RPL24: variants seen among roughly 807,000 people sequenced by gnomAD.
The protein encoded by RPL24 is large ribosomal subunit protein eL24.
RPL24 carries 7 observed loss-of-function variants against 26.4 expected under a neutral mutation model. The observed-to-expected ratio is 0.27, with a 90% CI of 0.15 to 0.50. RPL24 has a LOEUF of 0.50. Ranked by LOEUF, RPL24 falls within the 20% of genes least tolerant of loss-of-function variation. The pLI, the probability that RPL24 is intolerant of heterozygous loss-of-function variation, is 0.98. For missense variants in RPL24, 109 were observed against 194.9 expected (o/e 0.56, Z 2.62); for synonymous variants, 67 against 65.2 (o/e 1.03, Z -0.13).
rs201497042 is a variant in RPL24 at position 101,686,520 on chromosome 3, G to A, written c.43C>T (p.Pro15Ser). The change falls in exon 2 of 6, where the codon CCC becomes TCC. Residue 15 changes from proline to serine, a missense_variant. Pro to Ser is a moderately conservative substitution (Grantham distance 74). Transcript: ENST00000394077. ...LCSFSGYKIY[P>S]GHGRRYARTD... The stretch of plus-strand genomic sequence containing the variant: ...CTGGCGTAGCGCCTCCCGTGTCCGG[G>A]GTAGATCTTGTACCCGCTAAAACTG... 6.2e-7 allele frequency: 1 copy of A among 1,614,112 alleles called. No individual in the cohort carries two copies. The highest frequency in any genetic ancestry group is 8.5e-7 in the Non-Finnish European group (1 of 1,180,012).
intron 5 of RPL24, 114 bp downstream of exon 5, chr3:101,682,315 G>C (rs1337670629): frequency 1.2e-6 from 1 of 833,010 alleles, no homozygotes; most frequent in African/African-American, 1.7e-5. Context: ...GCAGTGAGCT[G>C]AGATCAGATC....
intron 5 of RPL24, 51 bp downstream of exon 5, chr3:101,682,378 G>C (rs780305768): frequency 2.7e-6 from 4 of 1,493,904 alleles, no homozygotes; most frequent in South Asian, 2.3e-5. Flanking sequence ...CTCAAAAAAA[G>C]AAAATTTTCC....
rs1937340097 is a variant in RPL24 at position 101,686,223 on chromosome 3, T to A, written c.81+259A>T. The A allele has an allele frequency of 5.2e-6, 3 of 581,710 alleles. No individual in the cohort carries two copies. In the East Asian group the frequency reaches 8.5e-5, roughly 16 times the overall value. 36.0% of individuals were successfully genotyped at this position (581,710 alleles called of 1,614,324 possible). A position where few individuals can be genotyped will look rare whatever the true frequency, so the allele number is the denominator to read the frequency against. ...TTGTCCGTCCCAGGATTCCAAAGGG[T>A]ACCTCCGTACCTCAGTTATTTCCCT... On this transcript the variant is annotated intron_variant, in intron 2 of 5. Coordinates refer to ENST00000394077, the MANE Select transcript of RPL24 (RefSeq NM_000986.4).
intron 5 of RPL24, chr3:101,682,227 G>C (rs570128035): frequency 3.7e-6 from 2 of 545,684 alleles, no homozygotes; most frequent in South Asian, 2.2e-5. Flanking sequence ...TCAGCCGGGC[G>C]TGATGGCGCG....
Position 101,685,951 on chromosome 3 carries a change from A to G in RPL24, c.82-23T>C, listed in dbSNP as rs575366561. ...AACCTAGAGTGACAAATGCAAAGGA[A>G]TTACTATTTAACTATACAAAGTACA... is the stretch of plus-strand genomic sequence containing the variant. On this transcript the variant is annotated intron_variant, in intron 2 of 5. Coordinates refer to ENST00000394077, the MANE Select transcript of RPL24 (RefSeq NM_000986.4). 61 of 1,445,814 alleles carry G rather than the reference A, an allele frequency of 4.2e-5. No individual in the cohort carries two copies. In the South Asian group the frequency reaches 6.8e-4, roughly 16 times the overall value. The allele number at this position is 1,445,814 out of a possible 1,614,324, so 89.6% of individuals were successfully genotyped here.
At chr3:101,685,190 G>C (rs776521842) in intron 3 of RPL24, among the ~76,000 whole-genome samples, 1 of 149,606 alleles carries the variant, frequency 6.7e-6, no homozygotes, top group Non-Finnish European at 1.5e-5. Flanking sequence ...TTTTTTTCCT[G>C]AATAGTCACC....
chr3:101,686,396 G>A, intron 2 of RPL24, 86 bp downstream of exon 2: 1 of 1,160,482 alleles, frequency 8.6e-7, no homozygotes, highest in Non-Finnish European at 1.2e-6. Flanking sequence ...GTGGTGATGT[G>A]GGGAATAAAC....
chr3:101,682,012 A>G (rs968870302), intron 5 of RPL24: 2 of 168,540 alleles, frequency 1.2e-5, no homozygotes, highest in East Asian at 3.4e-4. Flanking sequence ...CTTGCATTCA[A>G]TACCTTAAAA....
intron 2 of RPL24, chr3:101,686,234 CTCAGT>C (rs1937340270): frequency 1.5e-5 from 9 of 584,580 alleles, no homozygotes; most frequent in Non-Finnish European, 1.8e-5. Context: ...ACCTCCGTAC[CTCAGT>C]TATTTCCCTT....
intron 2 of RPL24, 127 bp downstream of exon 2, chr3:101,686,355 A>G (rs1407058773): frequency 1.4e-6 from 1 of 704,836 alleles, no homozygotes; most frequent in African/African-American, 1.8e-5. Context: ...CGACCAGTCC[A>G]CAGAGCGTCC....
intron 5 of RPL24, 163 bp from the exon 6 acceptor site, chr3:101,681,378 C>A: frequency 1.6e-6 from 1 of 606,948 alleles, no homozygotes; most frequent in East Asian, 2.8e-5. Context: ...ATATTTAAAG[C>A]CCATCTTTAC....
chr3:101,686,556 C>T lies in RPL24; in HGVS notation c.7G>A (p.Val3Ile). 6.2e-7 allele frequency: 1 copy of T among 1,614,244 alleles called. No individual in the cohort carries two copies. Among genetic ancestry groups the T allele is most frequent in the African/African-American group, 1.3e-5 (1 of 75,070 alleles). Reference sequence around the variant, plus strand: ...TACCCGCTAAAACTGCACAGCTCGACCCTGCAACAAAAAGTGAAAGTCCAT... The same window carrying T: ...TACCCGCTAAAACTGCACAGCTCGATCCTGCAACAAAAAGTGAAAGTCCAT... MK[V>I]ELCSFSGYKI... The change falls in exon 2 of 6, where the codon GTC becomes ATC. Residue 3 changes from valine to isoleucine, a missense_variant and splice_region_variant. Physicochemically the swap from Val to Ile is conservative, Grantham distance 29 (BLOSUM62 3). Transcript: ENST00000394077.
At chr3:101,682,633 A>C in intron 4 of RPL24, 138 bp downstream of exon 4, 1 of 1,183,174 alleles carries the variant, frequency 8.5e-7, no homozygotes, top group Middle Eastern at 2.0e-4. Flanking sequence ...GCTAAATCCA[A>C]AGAATTTGTC....
intron 5 of RPL24, 97 bp downstream of exon 5, chr3:101,682,332 C>G (rs1937274525): frequency 1.0e-6 from 1 of 963,292 alleles, no homozygotes; most frequent in Non-Finnish European, 1.7e-6. Context: ...GATCACGCCA[C>G]TGCACCCCAT....
chr3:101,684,036 A>G (rs1217988043), intron 3 of RPL24, among the ~76,000 whole-genome samples: 1 of 151,718 alleles, frequency 6.6e-6, no homozygotes, highest in Non-Finnish European at 1.5e-5. Context: ...TTAAGTAGAA[A>G]CTGGGGTCTT....
chr3:101,683,710 T>TTC (rs1553781404), intron 3 of RPL24, among the ~76,000 whole-genome samples: 7 of 149,994 alleles, frequency 4.7e-5, no homozygotes, highest in Admixed American at 1.3e-4. Context: ...TTCTTTTCTT[T>TTC]TTTTTTTTTT....
intron 5 of RPL24, chr3:101,681,851 A>AAAAC (rs71625594): frequency 9.6e-4 from 147 of 153,302 alleles, no homozygotes; most frequent in South Asian, 3.5e-3. Flanking sequence ...AAGGGGGAAA[A>AAAAC]AAACAAACAA....
chr3:101,683,035 A>G (rs1391766578), intron 3 of RPL24, 128 bp from the exon 4 acceptor site: 1 of 853,660 alleles, frequency 1.2e-6, no homozygotes, highest in East Asian at 2.7e-5. Flanking sequence ...AAAATAATTC[A>G]TATATTTGAA....
chr3:101,685,988 A>G (rs528872299), intron 2 of RPL24, 60 bp from the exon 3 acceptor site: 1 of 1,122,798 alleles, frequency 8.9e-7, no homozygotes, highest in African/African-American at 1.5e-5. Context: ...GAGGCTGAGT[A>G]AGCTTGGAAT....
Sources: allele counts gnomAD v4.1 joint callset (sites outside exome capture counted in the v4.1 genomes callset), GRCh38; gene constraint gnomAD v4.1.1; transcripts MANE v1.5; gene names NCBI Gene and HGNC (gene_info 2026-07-23, HGNC 2026-07-21).